Variants in CREB5 observed in about 807,000 individuals in gnomAD.
CREB5 encodes cAMP responsive element binding protein 5, also known as cyclic AMP-responsive element-binding protein 5.
Under a neutral mutation model 57.1 loss-of-function variants are expected in CREB5, and 19 were observed. The observed-to-expected ratio is 0.33, with a 90% CI of 0.23 to 0.49. The LOEUF (loss-of-function observed/expected upper bound fraction) is 0.49, where lower values mean the gene tolerates loss of function less well. Ranked by LOEUF, CREB5 falls within the 20% of genes least tolerant of loss-of-function variation. CREB5 has a pLI of 0.99. For synonymous variants in CREB5, 238 were observed against 238.3 expected (o/e 1.00, Z 0.01); for missense variants, 579 against 671.6 (o/e 0.86, Z 1.52).
chr7:28,489,813 T>C (rs1425221891), intron 2 of CREB5, among the ~76,000 whole-genome samples: 1 of 152,152 alleles, frequency 6.6e-6, no homozygotes, highest in Non-Finnish European at 1.5e-5. Flanking sequence ...GTGCAAAAAT[T>C]ATTTTGAAGC....
chr7:28,326,741 A>C (rs555538263), intron 1 of CREB5, among the ~76,000 whole-genome samples: 1 of 152,206 alleles, frequency 6.6e-6, no homozygotes, highest in Non-Finnish European at 1.5e-5. Flanking sequence ...GTTGCATATA[A>C]TTCTTATTAT....
chr7:28,538,868 T>C (rs941009140), intron 4 of CREB5, among the ~76,000 whole-genome samples: 1 of 152,248 alleles, frequency 6.6e-6, no homozygotes, highest in Non-Finnish European at 1.5e-5. Context: ...TATAGAAGCA[T>C]CTTGTTTCAA....
intron 5 of CREB5, among the ~76,000 whole-genome samples, chr7:28,573,757 A>T (rs1322854952): frequency 6.6e-6 from 1 of 152,226 alleles, no homozygotes; most frequent in Non-Finnish European, 1.5e-5. Context: ...CTTTGGGGAC[A>T]AAGGGTAGGC....
chr7:28,537,565 T>C (rs1794015415), intron 4 of CREB5, among the ~76,000 whole-genome samples: 2 of 152,080 alleles, frequency 1.3e-5, no homozygotes, highest in South Asian at 4.2e-4. Flanking sequence ...TTTACATGAA[T>C]ACAGGGGGAG....
rs1431724656 is a variant in CREB5 at position 28,819,612 on chromosome 7, A to T, written c.*333A>T. 2 of 186,574 alleles carry T rather than the reference A, an allele frequency of 1.1e-5. No homozygotes were observed. 11.6% of individuals were successfully genotyped at this position (186,574 alleles called of 1,614,324 possible). On this transcript the variant is annotated 3_prime_UTR_variant, in exon 11 of 11. Coordinates refer to ENST00000357727, the MANE Select transcript of CREB5 (RefSeq NM_182898.4). ...TCCAACCCTTTGCCTGAAACATTGA[A>T]TCTTGTTAAACCACAGCTTTTAGCT... is the stretch of plus-strand genomic sequence containing the variant.
intron 5 of CREB5, among the ~76,000 whole-genome samples, chr7:28,597,956 G>A (rs1583686910): frequency 6.6e-6 from 1 of 152,236 alleles, no homozygotes; most frequent in East Asian, 1.9e-4. Context: ...TATTTGGCAA[G>A]CTAATGTTGA....
chr7:28,549,358 G>A (rs1221197963), intron 4 of CREB5, among the ~76,000 whole-genome samples: 8 of 152,120 alleles, frequency 5.3e-5, no homozygotes, highest in Non-Finnish European at 1.2e-4. Flanking sequence ...CAGCATCCTG[G>A]AGCACACAGT....
rs72106956 is a variant in CREB5, at chr7:28,658,953, G to GTATATATATATATATATATA, written c.465-59792_465-59773dup. Among the ~76,000 whole-genome samples, 80 of 99,588 alleles carry GTATATATATATATATATATA rather than the reference G, an allele frequency of 8.0e-4. 2 individuals are homozygous for GTATATATATATATATATATA. The highest frequency in any genetic ancestry group is 2.4e-3 in the African/African-American group (72 of 30,470). 65.3% of individuals were successfully genotyped at this position (99,588 alleles called of 152,430 possible). The stretch of plus-strand genomic sequence containing the variant: ...CACTAAATATTATATGTGTGTGTGT[G>GTATATATATATATATATATA]TATATATATATATATATATATATAT... On this transcript the variant is annotated intron_variant, in intron 5 of 10. Coordinates refer to ENST00000357727, the MANE Select transcript of CREB5 (RefSeq NM_182898.4).
chr7:28,520,186 G>A (rs551202730), intron 4 of CREB5, among the ~76,000 whole-genome samples: 33 of 152,292 alleles, frequency 2.2e-4, no homozygotes, highest in African/African-American at 7.0e-4. Flanking sequence ...CAATAGAGCC[G>A]TGTTCCTTCA....
At chr7:28,429,875 C>T (rs562566991) in intron 1 of CREB5, among the ~76,000 whole-genome samples, 3 of 152,252 alleles carry the variant, frequency 2.0e-5, no homozygotes, top group East Asian at 3.9e-4. Context: ...GGCGTTGTGT[C>T]GGGATCTGAG....
chr7:28,681,123 C>T (rs1427226004), intron 5 of CREB5, among the ~76,000 whole-genome samples: 2 of 152,124 alleles, frequency 1.3e-5, no homozygotes, highest in Non-Finnish European at 2.9e-5. Context: ...ATCTGAGGCC[C>T]TCCAGGGAGA....
intron 5 of CREB5, among the ~76,000 whole-genome samples, chr7:28,578,740 A>G (rs1795999132): frequency 1.3e-5 from 2 of 152,226 alleles, no homozygotes; most frequent in Non-Finnish European, 2.9e-5. Context: ...TCATGTAATC[A>G]GATACTTTGA....
intron 4 of CREB5, among the ~76,000 whole-genome samples, chr7:28,560,876 G>GCA (rs1795129123): frequency 2.4e-5 from 1 of 41,988 alleles, no homozygotes. Context: ...CTGCGTGCGC[G>GCA]TGCGTGCGTG....
chr7:28,596,261 A>C (rs1005774858), intron 5 of CREB5, among the ~76,000 whole-genome samples: 11 of 152,246 alleles, frequency 7.2e-5, no homozygotes, highest in African/African-American at 2.7e-4. Context: ...TCCGGTCAGC[A>C]TCAAAGTCAG....
chr7:28,739,627 C>T (rs1804223523), intron 7 of CREB5, among the ~76,000 whole-genome samples: 1 of 152,098 alleles, frequency 6.6e-6, no homozygotes, highest in South Asian at 2.1e-4. Flanking sequence ...AAAATATTAC[C>T]AGAAAAGCAT....
intron 1 of CREB5, among the ~76,000 whole-genome samples, chr7:28,397,620 A>G (rs1357224640): frequency 2.0e-5 from 3 of 152,254 alleles, no homozygotes; most frequent in Admixed American, 6.5e-5. Flanking sequence ...AATCTGTCTT[A>G]TAAGCAAAAC....
intron 7 of CREB5, among the ~76,000 whole-genome samples, chr7:28,776,080 G>C (rs1020960124): frequency 6.6e-6 from 1 of 152,046 alleles, no homozygotes; most frequent in Non-Finnish European, 1.5e-5. Flanking sequence ...GCTCACGCCT[G>C]TAATCTCAGC....
intron 7 of CREB5, chr7:28,779,197 C>A (rs886168050): frequency 6.6e-6 from 1 of 152,118 alleles, no homozygotes; most frequent in African/African-American, 2.4e-5. Context: ...GCATTTAGGA[C>A]CTTATTTGAG....
intron 9 of CREB5, among the ~76,000 whole-genome samples, chr7:28,812,714 G>C (rs997130392): frequency 4.6e-5 from 7 of 152,136 alleles, no homozygotes; most frequent in Non-Finnish European, 8.8e-5. Context: ...TCAGGCCCCG[G>C]GATGCTGGAG....
Sources: allele counts gnomAD v4.1 joint callset (sites outside exome capture counted in the v4.1 genomes callset), GRCh38; gene constraint gnomAD v4.1.1; transcripts MANE v1.5; gene names NCBI Gene and HGNC (gene_info 2026-07-23, HGNC 2026-07-21).